The following ETV6 variants were observed in gnomAD, a reference collection of about 807,000 sequenced individuals.
The protein encoded by ETV6 is ETS variant transcription factor 6, also known as transcription factor ETV6.
A neutral mutation model predicts 51.1 loss-of-function variants in ETV6; 16 were observed. The ratio of observed to expected loss-of-function variants is 0.31; its 90% confidence interval spans 0.21 to 0.48. ETV6 has a LOEUF of 0.48. Ranked by LOEUF, ETV6 falls within the 20% of genes least tolerant of loss-of-function variation. ETV6 has a pLI of 0.99. For synonymous variants in ETV6, 240 were observed against 224.1 expected (o/e 1.07, Z -0.64); for missense variants, 458 against 594.8 (o/e 0.77, Z 2.39).
intron 6 of ETV6, 84 bp downstream of exon 6, chr12:11,884,671 T>G: frequency 1.9e-6 from 3 of 1,552,016 alleles, no homozygotes; most frequent in Non-Finnish European, 2.6e-6. Context: ...TCGTCTGTCT[T>G]CTGCTTTTTA....
At chr12:11,683,121 T>G (rs1864563683) in intron 1 of ETV6, among the ~76,000 whole-genome samples, 1 of 152,236 alleles carries the variant, frequency 6.6e-6, no homozygotes, top group African/African-American at 2.4e-5. Flanking sequence ...TGGATTGATC[T>G]CTGCTCACTA....
chr12:11,766,806 G>T (rs1456111456), intron 2 of ETV6, among the ~76,000 whole-genome samples: 2 of 152,194 alleles, frequency 1.3e-5, no homozygotes, highest in Non-Finnish European at 2.9e-5. Context: ...ATTTCCTCAG[G>T]CCGGCCTTTA....
At chr12:11,773,567 G>A (rs1020770797) in intron 2 of ETV6, among the ~76,000 whole-genome samples, 2 of 152,196 alleles carry the variant, frequency 1.3e-5, no homozygotes, top group African/African-American at 4.8e-5. Context: ...ATAAGGAAGA[G>A]ATCCATGATA....
At chr12:11,708,816 G>A (rs1213538712) in intron 1 of ETV6, among the ~76,000 whole-genome samples, 1 of 152,148 alleles carries the variant, frequency 6.6e-6, no homozygotes, top group African/African-American at 2.4e-5. Flanking sequence ...CCATCAATGA[G>A]AATTTATTGA....
intron 1 of ETV6, among the ~76,000 whole-genome samples, chr12:11,652,113 A>T (rs143206756): frequency 1.7e-4 from 26 of 152,326 alleles, no homozygotes; most frequent in African/African-American, 6.3e-4. Context: ...CAGTTCTTTC[A>T]GGGTGCCTCT....
chr12:11,749,288 T>TACACACACACACACAC (rs761925697), intron 1 of ETV6, among the ~76,000 whole-genome samples: 55 of 122,932 alleles, frequency 4.5e-4, no homozygotes, highest in Admixed American at 1.0e-3. Context: ...ATCCCCCCCA[T>TACACACACACACACAC]ACACACACAC....
In ETV6 at chr12:11,869,088, T is replaced by C. The variant is rs547488555; in HGVS notation, c.464-336T>C. 6.6e-6 allele frequency among the ~76,000 whole-genome samples: 1 copy of C among 151,814 alleles called. No individual in the cohort carries two copies. The highest frequency in any genetic ancestry group is 6.6e-5 in the Admixed American group (1 of 15,260). On this transcript the variant is annotated intron_variant, in intron 4 of 7. Coordinates refer to ENST00000396373, the MANE Select transcript of ETV6 (RefSeq NM_001987.5). The surrounding 1 kb of genome is among the most constrained non-coding windows in gnomAD (Gnocchi z 5.0). ...CATCTCTACTAAAAATAAAAAAAAT[T>C]AGCCGAGCATGGTGGTGGGCGCCTG...
At chr12:11,751,273 A>C in intron 1 of ETV6, 1 of 510,078 alleles carries the variant, frequency 2.0e-6, no homozygotes. Context: ...AAAATGTTAA[A>C]GAACTATCTT....
chr12:11,826,385 A>AC (rs1946153718), intron 2 of ETV6: 1 of 152,120 alleles, frequency 6.6e-6, no homozygotes, highest in South Asian at 2.1e-4. Context: ...TATTGTTAAC[A>AC]CTCATACCTT....
chr12:11,659,172 G>T (rs1219075358), intron 1 of ETV6, among the ~76,000 whole-genome samples: 1 of 152,224 alleles, frequency 6.6e-6, no homozygotes, highest in Non-Finnish European at 1.5e-5. Context: ...GGCCAAGTTT[G>T]TTACTTTGGG....
At chr12:11,789,865 C>G (rs1242586316) in intron 2 of ETV6, among the ~76,000 whole-genome samples, 1 of 152,004 alleles carries the variant, frequency 6.6e-6, no homozygotes, top group Non-Finnish European at 1.5e-5. Context: ...TTTTTATTCC[C>G]CAGATTCTGC....
rs116676355 is a variant in ETV6, at chr12:11,869,365, G to C, written c.464-59G>C. Reference sequence around the variant, plus strand: ...CATTTACCGCCTGTAGAGCCGCAGGGAGTTTCCTGTCCTGCCAACTCACTG... The same window carrying C: ...CATTTACCGCCTGTAGAGCCGCAGGCAGTTTCCTGTCCTGCCAACTCACTG... On this transcript the variant is annotated intron_variant, in intron 4 of 7. Transcript: ENST00000396373. This position sits in a 1 kb window ranked among gnomAD's most constrained non-coding sequence, Gnocchi z 5.0. 3 of 1,495,436 alleles carry C rather than the reference G, an allele frequency of 2.0e-6. No homozygotes were observed. The African/African-American group carries it at 4.1e-5, about 21-fold the overall frequency. 92.6% of individuals were successfully genotyped at this position (1,495,436 alleles called of 1,614,324 possible).
chr12:11,666,827 G>A (rs34364159), intron 1 of ETV6, among the ~76,000 whole-genome samples: 5,377 of 152,256 alleles, frequency 0.035, 113 homozygotes, highest in Admixed American at 0.062. Flanking sequence ...AGACCTACGC[G>A]GCAGCTGCCT....
At chr12:11,770,054 A>G (rs1945219793) in intron 2 of ETV6, among the ~76,000 whole-genome samples, 1 of 152,214 alleles carries the variant, frequency 6.6e-6, no homozygotes, top group Admixed American at 6.5e-5. Context: ...CTTTCCTTTC[A>G]ATCAAAAAAA....
intron 3 of ETV6, among the ~76,000 whole-genome samples, chr12:11,852,776 A>T (rs1256065709): frequency 6.6e-6 from 1 of 152,138 alleles, no homozygotes; most frequent in Non-Finnish European, 1.5e-5. Context: ...ATACTCAACT[A>T]TTAAAAGCCC....
chr12:11,833,948 G>T (rs1946279634), intron 2 of ETV6, among the ~76,000 whole-genome samples: 1 of 152,168 alleles, frequency 6.6e-6, no homozygotes, highest in Non-Finnish European at 1.5e-5. Context: ...AAGATTCAGT[G>T]TAAATGTTCA....
At chr12:11,857,379 A>G (rs190506871) in intron 4 of ETV6, among the ~76,000 whole-genome samples, 2 of 152,272 alleles carry the variant, frequency 1.3e-5, no homozygotes, top group Admixed American at 1.3e-4. Flanking sequence ...TGCTAATTCA[A>G]ACTCTCTATA....
intron 2 of ETV6, among the ~76,000 whole-genome samples, chr12:11,826,926 A>C (rs1385356013): frequency 6.6e-6 from 1 of 152,136 alleles, no homozygotes; most frequent in African/African-American, 2.4e-5. Context: ...TTACAACTCT[A>C]ATACTAGGGA....
At chr12:11,795,570 A>C (rs566800853) in intron 2 of ETV6, among the ~76,000 whole-genome samples, 1 of 152,358 alleles carries the variant, frequency 6.6e-6, no homozygotes, top group South Asian at 2.1e-4. Flanking sequence ...CAGTCTTTGG[A>C]AGTTCAGCTT....
Sources: gnomAD v4.1 joint callset for allele counts (sites outside exome capture counted in the v4.1 genomes callset) on GRCh38, gnomAD v4.1.1 for gene constraint, Gnocchi (gnomAD v3.1) non-coding constraint, MANE v1.5 for transcripts, NCBI Gene and HGNC (gene_info 2026-07-23, HGNC 2026-07-21) for gene names.